Variants in LDLRAP1 observed in about 807,000 individuals in gnomAD.
LDLRAP1 encodes the protein low density lipoprotein receptor adapter protein 1.
A neutral mutation model predicts 37.8 loss-of-function variants in LDLRAP1; 30 were observed. The ratio of observed to expected loss-of-function variants is 0.79; its 90% CI spans 0.59 to 1.08. The LOEUF is 1.08. Among genes scored for constraint, LDLRAP1 ranks in the 50% least tolerant of loss-of-function variants. LDLRAP1 has a pLI of 0.00. For synonymous variants in LDLRAP1, 156 were observed against 169.8 expected (o/e 0.92, Z 0.63); for missense variants, 375 against 401.6 (o/e 0.93, Z 0.57).
the LDLRAP1 span, among the ~76,000 whole-genome samples, chr1:25,586,735 C>T: frequency 1.3e-5 from 2 of 152,140 alleles, no homozygotes; most frequent in African/African-American, 2.4e-5. The surrounding 1 kb of genome is among the most constrained non-coding windows in gnomAD (Gnocchi z 4.3). Flanking sequence ...GGGCACAGCT[C>T]ACACTCCAGG....
Position 25,553,970 on chromosome 1 carries a change from T to C in LDLRAP1, c.137T>C (p.Met46Thr), listed in dbSNP as rs759502438. Residue 46 changes from methionine (M) to threonine (T), a missense_variant, in exon 2 of 9, where the codon ATG becomes ACG. Physicochemically the swap from Met to Thr is moderately conservative, Grantham distance 81. Transcript: ENST00000374338. ...TDTRETLLEG[M>T]LFSLKYLGMT... ...ACGCGGGAGACGCTGCTGGAGGGGATGCTGTTCAGCCTCAAGTACCTGGGC... is the reference window on the plus strand; with the variant it reads ...ACGCGGGAGACGCTGCTGGAGGGGACGCTGTTCAGCCTCAAGTACCTGGGC... 4.3e-6 allele frequency: 7 copies of C among 1,614,058 alleles called. No individual in the cohort carries two copies. In the South Asian group the frequency reaches 4.4e-5, roughly 10 times the overall value.
chr1:25,581,329 T>C, the LDLRAP1 span: 2 of 151,304 alleles, frequency 1.3e-5, no homozygotes, highest in African/African-American at 4.9e-5. Flanking sequence ...GAGGAGAGGG[T>C]TTCTGAAAAA....
downstream of LDLRAP1, among the ~76,000 whole-genome samples, chr1:25,573,095 C>T (rs973801665): frequency 5.4e-4 from 11 of 20,310 alleles, no homozygotes; most frequent in African/African-American, 1.8e-3. Context: ...CTTTGCGGGG[C>T]GGGGGGAGGT....
intron 1 of LDLRAP1, chr1:25,553,707 G>T (rs1410720519): frequency 1.6e-5 from 9 of 569,420 alleles, no homozygotes; most frequent in Non-Finnish European, 2.5e-5. Flanking sequence ...GGGTGCAGAG[G>T]TTGCAGTAAG....
intron 4 of LDLRAP1, among the ~76,000 whole-genome samples, chr1:25,559,813 G>C (rs1036680685): frequency 6.6e-6 from 1 of 152,220 alleles, no homozygotes; most frequent in Non-Finnish European, 1.5e-5. Context: ...AGCTGCGTCA[G>C]CCTCCGCACC....
intron 8 of LDLRAP1, among the ~76,000 whole-genome samples, chr1:25,565,667 G>A (rs1476766979): frequency 6.6e-6 from 1 of 152,158 alleles, no homozygotes; most frequent in Non-Finnish European, 1.5e-5. Context: ...GCACAGTGAG[G>A]AGGTGTTTTG....
rs1200644444 is a variant in LDLRAP1 at position 25,555,007 on chromosome 1, C to A, written c.344+35C>A. On this transcript the variant is annotated intron_variant, in intron 3 of 8. Coordinates refer to ENST00000374338, the MANE Select transcript of LDLRAP1 (RefSeq NM_015627.3). This position sits in a 1 kb window ranked among gnomAD's most constrained non-coding sequence, Gnocchi z 4.7. ...GCATGGGGTTGGCCCATCCACTCTG[C>A]CACTTGGGGCAGTGGGTGGAGTATC... 7 of 1,479,762 alleles carry A rather than the reference C, an allele frequency of 4.7e-6. No homozygotes were observed. The highest frequency in any genetic ancestry group is 6.6e-6 in the Non-Finnish European group (7 of 1,058,986). The allele number at this position is 1,479,762 out of a possible 1,614,324, so 91.7% of individuals were successfully genotyped here.
the LDLRAP1 span, among the ~76,000 whole-genome samples, chr1:25,574,020 T>TG: frequency 1.3e-5 from 2 of 151,444 alleles, no homozygotes; most frequent in Non-Finnish European, 2.9e-5. Flanking sequence ...AAAAGGGCGG[T>TG]GGGGGGAAGG....
At chr1:25,564,963 C>A (rs3922724) in intron 7 of LDLRAP1, 5,976 of 596,022 alleles carry the variant, frequency 0.01, 249 homozygotes, top group African/African-American at 0.091. Flanking sequence ...CATGGCCTTT[C>A]TCCTCTCCCA....
chr1:25,580,973 G>A, the LDLRAP1 span, among the ~76,000 whole-genome samples: 2 of 152,190 alleles, frequency 1.3e-5, no homozygotes, highest in Non-Finnish European at 2.9e-5. Flanking sequence ...CTCTGGAGGA[G>A]TTTCCCTAAA....
intron 1 of LDLRAP1, among the ~76,000 whole-genome samples, chr1:25,547,486 T>TAATA (rs71014373): frequency 0.18 from 26,248 of 145,590 alleles, 2,835 homozygotes; most frequent in African/African-American, 0.29. Flanking sequence ...TTGTCTCAAA[T>TAATA]AATAAATAAA....
At chr1:25,577,911 A>G in the LDLRAP1 span, among the ~76,000 whole-genome samples, 2 of 152,176 alleles carry the variant, frequency 1.3e-5, no homozygotes, top group African/African-American at 4.8e-5. Flanking sequence ...TGCACCAGCT[A>G]TTGGGACTGT....
chr1:25,544,602 C>T lies in LDLRAP1; in HGVS notation c.88+816C>T, dbSNP rs1434439236. 6.6e-6 allele frequency among the ~76,000 whole-genome samples: 1 copy of T among 152,166 alleles called. No homozygotes were observed. The highest frequency in any genetic ancestry group is 2.4e-5 in the African/African-American group (1 of 41,448). The stretch of plus-strand genomic sequence containing the variant: ...GGCTGGGAGGGGCCTCCCCCCCTTT[C>T]TCTCCCCCAGTCTCTGATTACGCTC... On this transcript the variant is annotated intron_variant, in intron 1 of 8. Transcript: ENST00000374338. The surrounding 1 kb of genome is among the most constrained non-coding windows in gnomAD (Gnocchi z 4.8).
intron 1 of LDLRAP1, among the ~76,000 whole-genome samples, chr1:25,548,843 AC>A (rs2044003459): frequency 6.6e-6 from 1 of 152,016 alleles, no homozygotes; most frequent in Non-Finnish European, 1.5e-5. Context: ...TTTTGTAGAG[AC>A]GAGGTCTTAC....
At position 25,553,917 on chromosome 1, in the gene LDLRAP1, C is replaced by A. The variant is rs1047665213; in HGVS notation, c.89-5C>A. The A allele has an allele frequency of 1.9e-6, 3 of 1,613,326 alleles. No homozygotes were observed. The African/African-American group carries it at 4.0e-5, about 22-fold the overall frequency. ...GGTCTGAGGGCCTACCCTGTGCTAC[C>A]CCAGAGCTGCCTGAGAACTGGACAG... On this transcript the variant is annotated splice_region_variant and splice_polypyrimidine_tract_variant and intron_variant, in intron 1 of 8. Transcript: ENST00000374338.
At chr1:25,557,063 C>T (rs910073234) in intron 3 of LDLRAP1, 90 bp from the exon 4 acceptor site, 3 of 942,922 alleles carry the variant, frequency 3.2e-6, no homozygotes, top group African/African-American at 3.2e-5. Context: ...AGCAGGTTCT[C>T]TGCAACTCAG....
chr1:25,569,307 G>A (rs562075424), downstream of LDLRAP1, among the ~76,000 whole-genome samples: 11 of 152,290 alleles, frequency 7.2e-5, no homozygotes, highest in Admixed American at 2.0e-4. Flanking sequence ...GACTTGCTCC[G>A]GGCTGAACGT....
chr1:25,556,358 T>C (rs935553361), intron 3 of LDLRAP1, among the ~76,000 whole-genome samples: 1 of 152,124 alleles, frequency 6.6e-6, no homozygotes, highest in African/African-American at 2.4e-5. Context: ...CAGGTGCGAC[T>C]GGGGGCAGAG....
In LDLRAP1 at chr1:25,562,163, C is replaced by G. The variant is rs78940855; in HGVS notation, c.460-481C>G. Among the ~76,000 whole-genome samples the G allele has an allele frequency of 2.6e-3, 397 of 152,364 alleles. 2 individuals are homozygous for G. The highest frequency in any genetic ancestry group is 9.3e-3 in the African/African-American group (385 of 41,584). ...CCCAACCGGAACCTAACTTTCACCT[C>G]TCTGGCTGTGGCTCATTTGGGGCAA... On this transcript the variant is annotated intron_variant, in intron 4 of 8. Transcript: ENST00000374338.
Sources: gnomAD v4.1 joint callset for allele counts (sites outside exome capture counted in the v4.1 genomes callset) on GRCh38, gnomAD v4.1.1 for gene constraint, Gnocchi (gnomAD v3.1) non-coding constraint, MANE v1.5 for transcripts, NCBI Gene and HGNC (gene_info 2026-07-23, HGNC 2026-07-21) for gene names.